The following BMPR1B variants were observed in gnomAD, a reference collection of about 807,000 sequenced individuals.
BMPR1B encodes bone morphogenetic protein receptor type 1B.
BMPR1B carries 12 observed loss-of-function variants against 59.1 expected under a neutral mutation model. The ratio of observed to expected loss-of-function variants is 0.20; its 90% CI spans 0.13 to 0.33. BMPR1B has a LOEUF of 0.33. Ranked by LOEUF, BMPR1B falls within the 10% of genes least tolerant of loss-of-function variation. The pLI is 1.00. For missense variants in BMPR1B, 550 were observed against 610.9 expected (o/e 0.90, Z 1.05); for synonymous variants, 237 against 207.3 (o/e 1.14, Z -1.23).
chr4:94,951,477 C>T (rs919580478), intron 2 of BMPR1B, among the ~76,000 whole-genome samples: 8 of 152,122 alleles, frequency 5.3e-5, no homozygotes, highest in African/African-American at 1.9e-4. Flanking sequence ...GTGTTTTTAG[C>T]ATGAAGCGCT....
At chr4:94,922,255 A>G (rs1308643613) in intron 2 of BMPR1B, among the ~76,000 whole-genome samples, 1 of 152,110 alleles carries the variant, frequency 6.6e-6, no homozygotes, top group African/African-American at 2.4e-5. Context: ...GATTACAGGC[A>G]TGAGTCATTG....
chr4:94,856,643 A>G (rs184721080), intron 1 of BMPR1B, among the ~76,000 whole-genome samples: 15 of 152,340 alleles, frequency 9.8e-5, no homozygotes, highest in Admixed American at 4.6e-4. Context: ...ATATCTTTCT[A>G]CATTCTTGCT....
chr4:95,133,984 T>G (rs867165081), intron 10 of BMPR1B, among the ~76,000 whole-genome samples: 1 of 152,058 alleles, frequency 6.6e-6, no homozygotes, highest in Non-Finnish European at 1.5e-5. Flanking sequence ...CCCATTAACT[T>G]GTCATTTACA....
chr4:95,050,655 TATGATG>T (rs982771228), intron 3 of BMPR1B, among the ~76,000 whole-genome samples: 2 of 152,168 alleles, frequency 1.3e-5, no homozygotes, highest in African/African-American at 4.8e-5. Flanking sequence ...CAAGTAAACA[TATGATG>T]ATGATATCTT....
At chr4:94,909,104 A>G (rs1466501638) in intron 2 of BMPR1B, among the ~76,000 whole-genome samples, 1 of 151,950 alleles carries the variant, frequency 6.6e-6, no homozygotes, top group Non-Finnish European at 1.5e-5. Flanking sequence ...CTGCTTTCAC[A>G]TGGCTTTCTT....
chr4:94,921,201 T>C (rs1728673793), intron 2 of BMPR1B, among the ~76,000 whole-genome samples: 1 of 152,126 alleles, frequency 6.6e-6, no homozygotes, highest in South Asian at 2.1e-4. Flanking sequence ...AGGATATTTT[T>C]GAGGTACAAT....
At chr4:94,984,071 C>T (rs1461769842) in intron 2 of BMPR1B, among the ~76,000 whole-genome samples, 5 of 152,056 alleles carry the variant, frequency 3.3e-5, no homozygotes, top group East Asian at 1.9e-4. Context: ...CAATAAAAAA[C>T]GATATACTAA....
intron 1 of BMPR1B, among the ~76,000 whole-genome samples, chr4:94,845,138 A>G (rs1560512380): frequency 6.6e-6 from 1 of 152,144 alleles, no homozygotes; most frequent in East Asian, 1.9e-4. Flanking sequence ...TAAATATATC[A>G]TAGATGAAAT....
chr4:95,052,588 CATA>C (rs1207393559), intron 3 of BMPR1B, among the ~76,000 whole-genome samples: 79 of 152,164 alleles, frequency 5.2e-4, no homozygotes, highest in African/African-American at 1.7e-3. Context: ...CTTGTGGATG[CATA>C]TTATAGAACT....
intron 11 of BMPR1B, among the ~76,000 whole-genome samples, chr4:95,149,182 T>C (rs1025141818): frequency 2.6e-5 from 4 of 152,316 alleles, no homozygotes; most frequent in East Asian, 3.9e-4. Flanking sequence ...TTTTCTGCTC[T>C]GTGTATTGTC....
chr4:94,921,210 A>G (rs935633292), intron 2 of BMPR1B, among the ~76,000 whole-genome samples: 2 of 152,138 alleles, frequency 1.3e-5, no homozygotes, highest in Non-Finnish European at 2.9e-5. Flanking sequence ...TTGAGGTACA[A>G]TATGACCTCA....
At chr4:94,916,078 A>C (rs1728473091) in intron 2 of BMPR1B, among the ~76,000 whole-genome samples, 1 of 152,196 alleles carries the variant, frequency 6.6e-6, no homozygotes, top group Admixed American at 6.6e-5. Context: ...CTTTCTGTAT[A>C]GCCTGCAGGA....
intron 3 of BMPR1B, among the ~76,000 whole-genome samples, chr4:95,074,159 CA>C (rs1377586045): frequency 1.3e-5 from 2 of 151,710 alleles, no homozygotes. Flanking sequence ...CTTGGAAATC[CA>C]AAAGTGGCTT....
At chr4:95,116,421 G>GCGCACACACA in intron 6 of BMPR1B, among the ~76,000 whole-genome samples, 1,569 of 123,228 alleles carry the variant, frequency 0.013, 43 homozygotes, top group African/African-American at 0.047. Flanking sequence ...TTCAGCGCGC[G>GCGCACACACA]CACACACACA....
chr4:94,989,226 T>TA (rs1473358224), intron 2 of BMPR1B, among the ~76,000 whole-genome samples: 1 of 151,804 alleles, frequency 6.6e-6, no homozygotes, highest in Non-Finnish European at 1.5e-5. Flanking sequence ...CCGTCTCTAC[T>TA]AAAAATACAA....
At position 94,986,579 on chromosome 4, in the gene BMPR1B, C is replaced by A. The variant is rs376629308; in HGVS notation, c.-112-9461C>A. ...CATTACTCTTTAGTTATTTTTGACA[C>A]CACGTTTCAAGAAAATTTCAGGCCT... On this transcript the variant is annotated intron_variant, in intron 2 of 12. Coordinates refer to ENST00000515059, the MANE Select transcript of BMPR1B (RefSeq NM_001203.3). Among the ~76,000 whole-genome samples the A allele has an allele frequency of 1.6e-4, 25 of 151,750 alleles. No individual in the cohort carries two copies. The East Asian group carries it at 4.7e-3, about 28-fold the overall frequency.
At chr4:95,089,814 G>A (rs1729849503) in intron 3 of BMPR1B, among the ~76,000 whole-genome samples, 1 of 152,038 alleles carries the variant, frequency 6.6e-6, no homozygotes, top group African/African-American at 2.4e-5. Flanking sequence ...CAGTATTTCA[G>A]CCTATTAAGT....
intron 10 of BMPR1B, 25 bp downstream of exon 10, chr4:95,131,537 A>T: frequency 1.2e-6 from 2 of 1,611,314 alleles, no homozygotes; most frequent in Non-Finnish European, 1.7e-6. Flanking sequence ...GAACAAATAC[A>T]TGTTTTATGA....
chr4:95,091,085 C>A (rs1307433605), intron 3 of BMPR1B, among the ~76,000 whole-genome samples: 2 of 151,968 alleles, frequency 1.3e-5, no homozygotes, highest in Non-Finnish European at 2.9e-5. Flanking sequence ...AAATAGCATT[C>A]TGAATGTCAA....
Sources: allele counts gnomAD v4.1 joint callset (sites outside exome capture counted in the v4.1 genomes callset), GRCh38; gene constraint gnomAD v4.1.1; transcripts MANE v1.5; gene names NCBI Gene and HGNC (gene_info 2026-07-23, HGNC 2026-07-21).